Variants in FAM228B observed in about 807,000 individuals in gnomAD.
The protein encoded by FAM228B is family with sequence similarity 228 member B.
FAM228B carries 38 observed loss-of-function variants against 42.6 expected under a neutral mutation model. That is an observed-to-expected ratio of 0.89 (90% confidence interval 0.69 to 1.17). The LOEUF (loss-of-function observed/expected upper bound fraction) is 1.17. FAM228B is among the 50% of genes most tolerant of loss of function. The probability of loss-of-function intolerance (pLI) is 0.00; values close to 1 mark genes in which losing one functional copy is unlikely to be tolerated. For synonymous variants in FAM228B, 109 were observed against 122.3 expected, an observed-to-expected ratio of 0.89 and a Z score of 0.72; for missense variants, 344 against 367.3, an observed-to-expected ratio of 0.94 and a Z score of 0.52.
intron 9 of FAM228B, among the ~76,000 whole-genome samples, chr2:24,167,408 C>T (rs1466075210): frequency 6.6e-6 from 1 of 152,092 alleles, no homozygotes; most frequent in East Asian, 1.9e-4. Context: ...CCATTGCAAT[C>T]ATTATAATAC....
At chr2:24,152,466 G>C (rs752374496) in intron 7 of FAM228B, among the ~76,000 whole-genome samples, 8 of 152,192 alleles carry the variant, frequency 5.3e-5, no homozygotes, top group Non-Finnish European at 8.8e-5. Flanking sequence ...TCTTGGGAAG[G>C]CTTTCCAGGT....
intron 5 of FAM228B, among the ~76,000 whole-genome samples, chr2:24,143,225 G>C (rs956757162): frequency 1.3e-5 from 2 of 151,910 alleles, no homozygotes; most frequent in Non-Finnish European, 2.9e-5. Context: ...CTGTCACCCA[G>C]GCTGGAGTGC....
chr2:24,078,243 T>C (rs988384431), intron 1 of FAM228B, among the ~76,000 whole-genome samples: 1 of 152,106 alleles, frequency 6.6e-6, no homozygotes, highest in Non-Finnish European at 1.5e-5. Context: ...CCTAGCCAGA[T>C]TTTGTCTTAT....
Position 24,161,583 on chromosome 2 carries a change from C to T in FAM228B, c.764C>T (p.Ser255Phe). 1 of 1,545,356 alleles carries T rather than the reference C, an allele frequency of 6.5e-7. No homozygotes were observed. The highest frequency in any genetic ancestry group is 8.8e-7 in the Non-Finnish European group (1 of 1,141,318). ...GCAAGAGCTCCTTATCTTTTGGAAT[C>T]CCAGGAAGAAGAAAAAACAGTTATT... ...PLARAPYLLE[S>F]QEEEKTVIYK... is the part of the protein sequence containing the mutation. The change falls in exon 8 of 11, where the codon TCC (serine) becomes TTC (phenylalanine). Residue 255 changes from serine to phenylalanine, a missense_variant. Ser to Phe is a radical substitution (Grantham distance 155). Coordinates refer to ENST00000615575, the MANE Select transcript of FAM228B (RefSeq NM_001145710.2).
chr2:24,121,297 T>C (rs762220770), upstream of FAM228B: 27 of 1,614,054 alleles, frequency 1.7e-5, no homozygotes, highest in African/African-American at 3.1e-4. Flanking sequence ...TCACTGGGCG[T>C]TACCTGGAGA....
intron 7 of FAM228B, among the ~76,000 whole-genome samples, chr2:24,152,880 C>A (rs1052100610): frequency 6.6e-6 from 1 of 152,196 alleles, no homozygotes; most frequent in African/African-American, 2.4e-5. Context: ...TTTTCTACTG[C>A]AGCTCAGCTG....
chr2:24,085,700 C>T (rs1286225102), intron 2 of FAM228B: 4 of 152,202 alleles, frequency 2.6e-5, no homozygotes, highest in Non-Finnish European at 5.9e-5. Context: ...CTTGGCTATA[C>T]ATTCCCACTT....
intron 8 of FAM228B, 141 bp from the exon 9 acceptor site, chr2:24,164,057 A>C (rs1667340929): frequency 3.8e-6 from 3 of 794,092 alleles, no homozygotes; most frequent in South Asian, 2.1e-5. Flanking sequence ...TTTTCACACA[A>C]AAAAAGTAAA....
At chr2:24,097,451 C>CAAAAA (rs142500481) in intron 3 of FAM228B, 57 of 70,294 alleles carry the variant, frequency 8.1e-4, no homozygotes, top group African/African-American at 1.4e-3. Flanking sequence ...AAATGGAAAG[C>CAAAAA]AAAAAAAAAA....
rs1485541905 is a variant in FAM228B, at chr2:24,164,286, T to C, written c.883T>C (p.Tyr295His). 6.4e-7 allele frequency: 1 copy of C among 1,551,220 alleles called. No homozygotes were observed. Among genetic ancestry groups the C allele is most frequent in the Admixed American group, 2.0e-5 (1 of 50,976 alleles). Residue 295 changes from tyrosine to histidine, a missense_variant, in exon 9 of 11, where the codon TAT becomes CAT. By Grantham distance (83) the Tyr-to-His change is moderately conservative. Coordinates refer to ENST00000615575, the MANE Select transcript of FAM228B (RefSeq NM_001145710.2). ...PSAKEAISEG[Y>H]FSSLSLSQER... is the part of the protein sequence containing the mutation. ...TGCCAAAGAGGCCATCTCTGAAGGG[T>C]ATTTTTCTTCCTTGAGCCTCAGCCA...
intron 2 of FAM228B, among the ~76,000 whole-genome samples, chr2:24,087,794 T>C (rs1183299753): frequency 3.3e-5 from 5 of 150,446 alleles, no homozygotes; most frequent in Admixed American, 2.6e-4. Context: ...TTTTTTTTTT[T>C]TTTTTGAGAC....
At chr2:24,121,375 GT>G, upstream of FAM228B, 1 of 1,396,528 alleles carries the variant, frequency 7.2e-7, no homozygotes, top group Non-Finnish European at 9.8e-7. Context: ...CCCACTACCT[GT>G]TTTTTATGGC....
chr2:24,164,813 C>G (rs562300137), intron 9 of FAM228B, among the ~76,000 whole-genome samples: 1 of 152,168 alleles, frequency 6.6e-6, no homozygotes, highest in South Asian at 2.1e-4. Flanking sequence ...AGTGAAAGCC[C>G]CCATATTGAG....
At position 24,080,019 on chromosome 2, in the gene FAM228B, C is replaced by T. The variant is rs1165745716; in HGVS notation, c.-289-857C>T. ...AGTGTCCGCACTAGGTTATTGGAAT[C>T]ATAGGCTTTCTAGCTTTGGTTTCAT... On this transcript the variant is annotated intron_variant, in intron 1 of 10. Coordinates refer to the FAM228B transcript ENST00000613899. The surrounding 1 kb of genome is among the most constrained non-coding windows in gnomAD (Gnocchi z 4.7). Among the ~76,000 whole-genome samples, 2 of 152,158 alleles carry T rather than the reference C, an allele frequency of 1.3e-5. No homozygotes were observed. The highest frequency in any genetic ancestry group is 1.9e-4 in the East Asian group (1 of 5,188).
intron 3 of FAM228B, among the ~76,000 whole-genome samples, chr2:24,103,220 G>T (rs181952574): frequency 6.6e-6 from 1 of 152,170 alleles, no homozygotes; most frequent in Non-Finnish European, 1.5e-5. Flanking sequence ...CTGTGTGAGC[G>T]TGAGCCCTTT....
rs869172668 is a variant in FAM228B, at chr2:24,158,213, TC to T, written c.687-3291del. Among the ~76,000 whole-genome samples, 36 of 143,192 alleles carry T rather than the reference TC, an allele frequency of 2.5e-4. 7 individuals are homozygous for T. The highest frequency in any genetic ancestry group is 4.6e-4 in the South Asian group (2 of 4,378). The allele number at this position is 143,192 out of a possible 152,430, so 93.9% of individuals were successfully genotyped here. ...TGAACCTCCTTTTTTTTTTTTTTTT[TC>T]CAAAACATTGTTCCCAAGACTCTAT... On this transcript the variant is annotated intron_variant, in intron 7 of 10. Transcript: ENST00000615575.
chr2:24,089,755 A>G (rs1665344050), intron 2 of FAM228B, among the ~76,000 whole-genome samples: 1 of 152,218 alleles, frequency 6.6e-6, no homozygotes. Context: ...ATTTGGGGAT[A>G]GTTTATTTTT....
chr2:24,134,887 T>C (rs1442921763), intron 2 of FAM228B, among the ~76,000 whole-genome samples: 1 of 152,014 alleles, frequency 6.6e-6, no homozygotes, highest in African/African-American at 2.4e-5. Flanking sequence ...GAAGTGGAGG[T>C]TGTAGTGAGC....
intron 2 of FAM228B, among the ~76,000 whole-genome samples, chr2:24,126,280 C>G (rs1460734046): frequency 6.6e-6 from 1 of 152,172 alleles, no homozygotes; most frequent in Admixed American, 6.5e-5. Flanking sequence ...TACATTCCCA[C>G]TAGTAGTGTG....
Sources: gnomAD v4.1 joint callset for allele counts (sites outside exome capture counted in the v4.1 genomes callset) on GRCh38, gnomAD v4.1.1 for gene constraint, Gnocchi (gnomAD v3.1) non-coding constraint, MANE v1.5 for transcripts, NCBI Gene and HGNC (gene_info 2026-07-23, HGNC 2026-07-21) for gene names.